Variants in BUB1B observed in about 807,000 individuals in gnomAD.
The protein encoded by BUB1B is mitotic checkpoint serine/threonine-protein kinase BUB1 beta.
In BUB1B, 86 loss-of-function variants were observed where a neutral mutation model predicts 137.7. The observed-to-expected ratio is 0.62, with a 90% confidence interval of 0.52 to 0.75. BUB1B has a LOEUF of 0.75. BUB1B is among the 30% of genes least tolerant of loss of function. The pLI, the probability that BUB1B is intolerant of heterozygous loss-of-function variation, is 0.00. For missense variants in BUB1B, 1,130 were observed against 1,236.9 expected (o/e 0.91, Z 1.30); for synonymous variants, 420 against 417.9 (o/e 1.00, Z -0.06).
At chr15:40,186,614 T>G (rs2037365917) in intron 8 of BUB1B, among the ~76,000 whole-genome samples, 1 of 150,564 alleles carries the variant, frequency 6.6e-6, no homozygotes, top group African/African-American at 2.4e-5. Context: ...CCAGCTAATT[T>G]TTTTTTTTTT....
chr15:40,211,759 G>A (rs2037714878), intron 18 of BUB1B, among the ~76,000 whole-genome samples: 1 of 152,030 alleles, frequency 6.6e-6, no homozygotes, highest in South Asian at 2.1e-4. Flanking sequence ...ATAGGGGAGA[G>A]GTAGTTGCTG....
intron 14 of BUB1B, among the ~76,000 whole-genome samples, chr15:40,202,972 G>T (rs2037593794): frequency 1.3e-5 from 2 of 152,158 alleles, no homozygotes; most frequent in South Asian, 4.1e-4. Flanking sequence ...ATGTAAAATG[G>T]TGTAGCCACT....
Position 40,199,699 on chromosome 15 carries a change from C to T in BUB1B, c.1373C>T (p.Thr458Ile), listed in dbSNP as rs766760271. 2.5e-6 allele frequency: 4 copies of T among 1,613,798 alleles called. No homozygotes were observed. In the Admixed American group the frequency reaches 6.7e-5, roughly 27 times the overall value. Residue 458 changes from threonine (T) to isoleucine (I), a missense_variant, in exon 10 of 23, where the codon ACT becomes ATT. Coordinates refer to ENST00000287598, the MANE Select transcript of BUB1B (RefSeq NM_001211.6). ...GAGAAGAAGCTAAAAGAAATCCAAA[C>T]TACTCAGCAAGAAAGAACAGGTGAT... is the stretch of plus-strand genomic sequence containing the variant. ...EMEKKLKEIQTTQQERTGDQQ... is the reference protein window; with the variant it reads ...EMEKKLKEIQITQQERTGDQQ...
chr15:40,216,571 A>ATATATTT (rs1457484634), intron 20 of BUB1B, among the ~76,000 whole-genome samples: 3 of 83,038 alleles, frequency 3.6e-5, no homozygotes, highest in South Asian at 4.1e-4. Context: ...ATATATATAT[A>ATATATTT]TTTTTTTTTT....
At position 40,212,661 on chromosome 15, in the gene BUB1B, A is replaced by G; in HGVS notation, c.2535+13A>G. On this transcript the variant is annotated intron_variant, in intron 19 of 22. Transcript: ENST00000287598. ...CTTCACCCTTCAGGTCTGTAATACT[A>G]AAAACATAATTTAAAGTCCTGAAGT... 2.5e-6 allele frequency: 4 copies of G among 1,610,282 alleles called. No homozygotes were observed. Among genetic ancestry groups the G allele is most frequent in the Non-Finnish European group, 3.4e-6 (4 of 1,177,906 alleles).
At chr15:40,167,655 C>T (rs1039042923) in intron 2 of BUB1B, among the ~76,000 whole-genome samples, 1 of 151,988 alleles carries the variant, frequency 6.6e-6, no homozygotes, top group African/African-American at 2.4e-5. Context: ...ATTATTTTAG[C>T]TTTTATGTTT....
chr15:40,167,013 AGATTCAAGTTTCCCT>A (rs1431630327), intron 2 of BUB1B, among the ~76,000 whole-genome samples: 1 of 152,118 alleles, frequency 6.6e-6, no homozygotes, highest in African/African-American at 2.4e-5. Flanking sequence ...CCAGGAGTAT[AGATTCAAGTTTCCCT>A]GATTCAAGTT....
intron 21 of BUB1B, among the ~76,000 whole-genome samples, chr15:40,217,895 C>A (rs1412965992): frequency 6.6e-6 from 1 of 152,188 alleles, no homozygotes; most frequent in African/African-American, 2.4e-5. Context: ...AGTGCCAGGG[C>A]CACTCCTACT....
chr15:40,203,021 CA>C (rs1388195641), intron 14 of BUB1B, among the ~76,000 whole-genome samples: 1 of 152,168 alleles, frequency 6.6e-6, no homozygotes, highest in Admixed American at 6.5e-5. Flanking sequence ...ATGTTAAACA[CA>C]GTTACCATAT....
rs759148358 is a variant in BUB1B at position 40,206,213 on chromosome 15, C to G, written c.1764C>G (p.Ser588Arg). 7 of 1,613,950 alleles carry G rather than the reference C, an allele frequency of 4.3e-6. No homozygotes were observed. ...CDEFTGIEPLSEDAIITGFRN... is the reference protein window; with the variant it reads ...CDEFTGIEPLREDAIITGFRN... Reference sequence around the variant, plus strand: ...AATTTACAGGAATTGAACCCTTGAGCGAGGATGCCATTATCACAGGCTTCA... The same window carrying G: ...AATTTACAGGAATTGAACCCTTGAGGGAGGATGCCATTATCACAGGCTTCA... Residue 588 changes from serine to arginine, a missense_variant, in exon 15 of 23, where the codon AGC (serine) becomes AGG (arginine). Ser to Arg is a moderately radical substitution (Grantham distance 110). Coordinates refer to ENST00000287598, the MANE Select transcript of BUB1B (RefSeq NM_001211.6).
intron 5 of BUB1B, among the ~76,000 whole-genome samples, chr15:40,178,683 A>G (rs2037249336): frequency 6.6e-6 from 1 of 151,810 alleles, no homozygotes; most frequent in South Asian, 2.1e-4. Flanking sequence ...GATTTTGTCT[A>G]TTTCTTTTAG....
intron 12 of BUB1B, 31 bp from the exon 13 acceptor site, chr15:40,202,374 T>C (rs745946519): frequency 2.7e-5 from 42 of 1,553,412 alleles, no homozygotes; most frequent in Non-Finnish European, 3.6e-5. Context: ...CATTTACTCC[T>C]AGAGTATGTA....
At chr15:40,174,844 G>C (rs1459825626) in intron 4 of BUB1B, among the ~76,000 whole-genome samples, 1 of 152,120 alleles carries the variant, frequency 6.6e-6, no homozygotes, top group East Asian at 1.9e-4. Flanking sequence ...GGCGCCTATA[G>C]TCCCAGCTAC....
rs955877314 is a variant in BUB1B at position 40,192,896 on chromosome 15, C to T, written c.1059-3649C>T. ...TTAAATAGTCTTGTTCTTTCACCTA[C>T]GCTGGAGTACAGTAGCATGATCCTG... is the stretch of plus-strand genomic sequence containing the variant. On this transcript the variant is annotated intron_variant, in intron 8 of 22. Transcript: ENST00000287598. Among the ~76,000 whole-genome samples, 8 of 152,172 alleles carry T rather than the reference C, an allele frequency of 5.3e-5. No homozygotes were observed. In the East Asian group the frequency reaches 5.8e-4, roughly 11 times the overall value.
chr15:40,212,739 A>G, intron 19 of BUB1B, 91 bp downstream of exon 19: 1 of 1,231,502 alleles, frequency 8.1e-7, no homozygotes, highest in Non-Finnish European at 1.2e-6. Flanking sequence ...ATTCCTGTCA[A>G]TCTTCTAGAA....
chr15:40,214,624 G>T (rs981113792), intron 20 of BUB1B, among the ~76,000 whole-genome samples: 3 of 152,106 alleles, frequency 2.0e-5, no homozygotes, highest in Admixed American at 6.6e-5. Flanking sequence ...TATAGTTAAC[G>T]TGGAAATTAA....
chr15:40,180,070 A>G (rs536138797), intron 5 of BUB1B, among the ~76,000 whole-genome samples: 5 of 150,730 alleles, frequency 3.3e-5, no homozygotes, highest in East Asian at 3.9e-4. Flanking sequence ...TGAAGCTCCA[A>G]GTTCCCTTCT....
chr15:40,204,848 C>G (rs2140903296), intron 14 of BUB1B, among the ~76,000 whole-genome samples: 1 of 151,694 alleles, frequency 6.6e-6, no homozygotes, highest in South Asian at 2.1e-4. Flanking sequence ...GTTGCCCAAG[C>G]TGGTCTCAAA....
Position 40,185,869 on chromosome 15 carries a change from A to T in BUB1B, c.1058+227A>T, listed in dbSNP as rs568664553. On this transcript the variant is annotated intron_variant, in intron 8 of 22. Transcript: ENST00000287598. ...TAGTGAGACCCTGTCTCTATTTATT[A>T]AAAAAAAAAGTAACCAGACAAAATT... 6.6e-4 allele frequency among the ~76,000 whole-genome samples: 98 copies of T among 149,072 alleles called. 2 individuals carry two copies. The South Asian group carries it at 0.018, about 27-fold the overall frequency.
Sources: gnomAD v4.1 joint callset for allele counts (sites outside exome capture counted in the v4.1 genomes callset) on GRCh38, gnomAD v4.1.1 for gene constraint, MANE v1.5 for transcripts, NCBI Gene and HGNC (gene_info 2026-07-23, HGNC 2026-07-21) for gene names.